The following FRYL variants were observed in gnomAD, a reference collection of about 807,000 sequenced individuals.
FRYL encodes FRY like transcription coactivator.
A neutral mutation model predicts 351.2 loss-of-function variants in FRYL; 150 were observed. The observed-to-expected ratio is 0.43, with a 90% CI of 0.37 to 0.49. The LOEUF is 0.49. FRYL is among the 20% of genes least tolerant of loss of function. The pLI is 0.00. For synonymous variants in FRYL, 1,153 were observed against 1,257.1 expected, an observed-to-expected ratio of 0.92 and a Z score of 1.75; for missense variants, 3,036 against 3,619.3, an observed-to-expected ratio of 0.84 and a Z score of 4.13.
In FRYL at chr4:48,609,824, C is replaced by G; in HGVS notation, c.412-1G>C. On this transcript the variant is annotated splice_acceptor_variant, in intron 7 of 63. Coordinates refer to ENST00000358350, the MANE Select transcript of FRYL (RefSeq NM_015030.2). LOFTEE classifies it high-confidence loss of function. ...GATCGGGTACAGGATGAACAGGAAT[C>G]TAGAATTTAAAAAAATTATCAAGTA... 1 of 1,553,474 alleles carries G rather than the reference C, an allele frequency of 6.4e-7. No individual in the cohort carries two copies. Among genetic ancestry groups the G allele is most frequent in the Non-Finnish European group, 8.8e-7 (1 of 1,141,956 alleles).
intron 3 of FRYL, among the ~76,000 whole-genome samples, chr4:48,656,740 ATATT>A (rs995924087): frequency 1.3e-5 from 2 of 148,888 alleles, no homozygotes; most frequent in African/African-American, 4.9e-5. Flanking sequence ...ATATATATAT[ATATT>A]TATTTATCGC....
At chr4:48,587,069 A>T (rs1343787686) in intron 18 of FRYL, among the ~76,000 whole-genome samples, 4 of 151,820 alleles carry the variant, frequency 2.6e-5, no homozygotes, top group Non-Finnish European at 5.9e-5. Flanking sequence ...CCCACAAATA[A>T]TATTAAAATA....
At chr4:48,660,095 G>T (rs1386574775) in intron 3 of FRYL, among the ~76,000 whole-genome samples, 1 of 151,702 alleles carries the variant, frequency 6.6e-6, no homozygotes, top group Non-Finnish European at 1.5e-5. Context: ...AGAAAGTAGA[G>T]AAGGTAGAGA....
intron 7 of FRYL, chr4:48,617,642 G>A (rs1028489208): frequency 6.6e-6 from 1 of 152,060 alleles, no homozygotes; most frequent in Non-Finnish European, 1.5e-5. Flanking sequence ...GTTAAAAGAG[G>A]AGGAGGAGGG....
intron 19 of FRYL, among the ~76,000 whole-genome samples, chr4:48,582,946 C>T (rs1741235238): frequency 1.3e-5 from 2 of 152,194 alleles, no homozygotes; most frequent in African/African-American, 4.8e-5. Context: ...AATCTATTCC[C>T]ATTAGTTGGT....
chr4:48,535,896 A>C, intron 47 of FRYL, 69 bp from the exon 48 acceptor site: 1 of 1,149,622 alleles, frequency 8.7e-7, no homozygotes, highest in Non-Finnish European at 1.2e-6. Context: ...TTTTATGCTA[A>C]ATGTATTCGC....
At chr4:48,533,549 A>C (rs1221465217) in intron 49 of FRYL, among the ~76,000 whole-genome samples, 3 of 152,202 alleles carry the variant, frequency 2.0e-5, no homozygotes, top group Non-Finnish European at 4.4e-5. Context: ...TTCCCATTCT[A>C]AGTTCTGCTC....
At position 48,543,825 on chromosome 4, in the gene FRYL, A is replaced by G. The variant is rs201711192; in HGVS notation, c.5574T>C (p.Asp1858=). ...VLSRLVETVG[D]PGEDAQGFVI... The stretch of plus-strand genomic sequence containing the variant: ...GAAATACCTGTGCATCTTCTCCTGG[A>G]TCCCCTACAGTTTCTACAAGTCTGG... Residue 1858 remains aspartate, a synonymous_variant, in exon 44 of 64, where the codon GAT becomes GAC. Coordinates refer to ENST00000358350, the MANE Select transcript of FRYL (RefSeq NM_015030.2). The G allele has an allele frequency of 5.6e-6, 9 of 1,613,490 alleles. No homozygotes were observed. In the East Asian group the frequency reaches 1.8e-4, roughly 32 times the overall value.
intron 1 of FRYL, among the ~76,000 whole-genome samples, chr4:48,744,555 T>C (rs574689298): frequency 7.2e-4 from 110 of 152,328 alleles, no homozygotes; most frequent in Non-Finnish European, 1.4e-3. Context: ...TTTTTTTTCT[T>C]TTTCTTAAAT....
chr4:48,510,888 C>T lies in FRYL; in HGVS notation c.8242G>A (p.Glu2748Lys). Reference protein sequence around the residue: ...RIGTKFKSSLEVMMLCSECPT... With the variant: ...RIGTKFKSSLKVMMLCSECPT... ...CATTCTGAACACAGCATCATCACTT[C>T]CAAGGAACTTTTAAATTTGGTACCA... The change falls in exon 58 of 64, where the codon GAA (glutamate) becomes AAA (lysine). Residue 2748 changes from glutamate (E) to lysine (K), a missense_variant. By Grantham distance (56) the Glu-to-Lys change is moderately conservative. Around this residue, in one of 7 missense-constraint regions of FRYL, gnomAD observed 1,987 missense variants for 2,311.7 expected, o/e 0.86. Transcript: ENST00000358350. 3 of 1,613,308 alleles carry T rather than the reference C, an allele frequency of 1.9e-6. No homozygotes were observed. The highest frequency in any genetic ancestry group is 2.2e-5 in the East Asian group (1 of 44,846).
At chr4:48,526,379 A>T (rs1445001342) in intron 53 of FRYL, among the ~76,000 whole-genome samples, 1 of 152,210 alleles carries the variant, frequency 6.6e-6, no homozygotes, top group Non-Finnish European at 1.5e-5. Context: ...ACAGAAATGG[A>T]TCTCTAATAG....
At position 48,518,951 on chromosome 4, in the gene FRYL, CGTGCCTAGCCTA is replaced by C. The variant is rs113353332; in HGVS notation, c.7689+2085_7689+2096del. Among the ~76,000 whole-genome samples the C allele has an allele frequency of 6.1e-3, 931 of 152,310 alleles. 10 individuals carry two copies. Among genetic ancestry groups the C allele is most frequent in the African/African-American group, 0.021 (873 of 41,566 alleles). On this transcript the variant is annotated intron_variant, in intron 55 of 63. Transcript: ENST00000358350. ...TCTGTGTCACAGTTGCCACGGGCCC[CGTGCCTAGCCTA>C]GTGCCTAGCACGAGGTAGCGCCTCA...
chr4:48,575,087 G>C, intron 25 of FRYL, 30 bp downstream of exon 25: 2 of 1,608,482 alleles, frequency 1.2e-6, no homozygotes, highest in Non-Finnish European at 1.7e-6. Flanking sequence ...ATTCTTTTAG[G>C]ACATAGAAAA....
At chr4:48,684,906 G>C (rs1177178838) in intron 2 of FRYL, 111 bp from the exon 3 acceptor site, 1 of 152,132 alleles carries the variant, frequency 6.6e-6, no homozygotes, top group Non-Finnish European at 1.5e-5. Flanking sequence ...GTGTCACCTA[G>C]TGCTGCAGAG....
intron 3 of FRYL, among the ~76,000 whole-genome samples, chr4:48,639,421 G>C (rs1433465046): frequency 6.6e-6 from 1 of 151,706 alleles, no homozygotes; most frequent in Non-Finnish European, 1.5e-5. Context: ...AGGTAGCAAA[G>C]GCAATTCAAT....
At position 48,540,438 on chromosome 4, in the gene FRYL, T is replaced by C. The variant is rs1021675883; in HGVS notation, c.6210A>G (p.Ala2070=). 8.1e-6 allele frequency: 13 copies of C among 1,613,916 alleles called. No homozygotes were observed. Among genetic ancestry groups the C allele is most frequent in the African/African-American group, 8.0e-5 (6 of 74,904 alleles). Residue 2070 remains alanine (A), a synonymous_variant, in exon 46 of 64, where the codon GCA becomes GCG. Transcript: ENST00000358350. ...GGTGCACGGTCATTTCTTGTGTAGA[T>C]GCTGAGGTAAAACCCTTAAGGAAGA... ...QQLFLKGFTS[A]STQEMTVHLL... is the part of the protein sequence containing the mutation.
At chr4:48,691,451 G>GA (rs1035963810) in intron 2 of FRYL, among the ~76,000 whole-genome samples, 12 of 151,240 alleles carry the variant, frequency 7.9e-5, no homozygotes, top group African/African-American at 1.7e-4. Flanking sequence ...TTTACAAAGT[G>GA]AAAAAAAATA....
rs1032661254 is a variant in FRYL at position 48,595,687 on chromosome 4, C to G, written c.1151G>C (p.Ser384Thr). 1 of 1,608,756 alleles carries G rather than the reference C, an allele frequency of 6.2e-7. No individual in the cohort carries two copies. Among genetic ancestry groups the G allele is most frequent in the East Asian group, 2.2e-5 (1 of 44,818 alleles). The change falls in exon 15 of 64, where the codon AGC becomes ACC. Residue 384 changes from serine (S) to threonine (T), a missense_variant. Coordinates refer to ENST00000358350, the MANE Select transcript of FRYL (RefSeq NM_015030.2). ...SNTVTQSRLMSIVSALFPKGS... is the reference protein window; with the variant it reads ...SNTVTQSRLMTIVSALFPKGS... ...TTTTGGAAAAAGTGCTGACACTATG[C>G]TCATAAGACGACTACAGGGAAAAAG... is the stretch of plus-strand genomic sequence containing the variant.
intron 1 of FRYL, among the ~76,000 whole-genome samples, chr4:48,735,804 C>T (rs1479457105): frequency 1.2e-5 from 1 of 85,596 alleles, no homozygotes; most frequent in Non-Finnish European, 2.3e-5. Context: ...GGGAATATCA[C>T]ACTCTGGGGA....
Sources: allele counts gnomAD v4.1 joint callset (sites outside exome capture counted in the v4.1 genomes callset), GRCh38; gene constraint gnomAD v4.1.1; regional missense constraint gnomAD v4.1.1; transcripts MANE v1.5; gene names NCBI Gene and HGNC (gene_info 2026-07-23, HGNC 2026-07-21).